The following RIMS1 variants were observed in gnomAD, a reference collection of about 807,000 sequenced individuals.
RIMS1 encodes regulating synaptic membrane exocytosis 1.
A neutral mutation model predicts 214.1 loss-of-function variants in RIMS1; 83 were observed. The ratio of observed to expected loss-of-function variants is 0.39; its 90% CI spans 0.32 to 0.47. The LOEUF (loss-of-function observed/expected upper bound fraction) is 0.47, where lower values mean the gene tolerates loss of function less well. Among genes scored for constraint, RIMS1 ranks in the 20% least tolerant of loss-of-function variants. RIMS1 has a pLI of 0.99. For missense variants in RIMS1, 2,050 were observed against 2,161.8 expected, an observed-to-expected ratio of 0.95 and a Z score of 1.03; for synonymous variants, 793 against 786.8, an observed-to-expected ratio of 1.01 and a Z score of -0.13.
In RIMS1 at chr6:72,400,876, G is replaced by A. The variant is rs1292896191; in HGVS notation, c.*162G>A. Reference sequence around the variant, plus strand: ...TGTCCCAATTGTTATTTAAAACATGGCTTCATATGACAGAACAAGGCAATC... The same window carrying A: ...TGTCCCAATTGTTATTTAAAACATGACTTCATATGACAGAACAAGGCAATC... On this transcript the variant is annotated 3_prime_UTR_variant, in exon 34 of 34. Coordinates refer to ENST00000521978, the MANE Select transcript of RIMS1 (RefSeq NM_014989.7). 2 of 602,724 alleles carry A rather than the reference G, an allele frequency of 3.3e-6. No individual in the cohort carries two copies. The highest frequency in any genetic ancestry group is 2.3e-5 in the South Asian group (1 of 43,858). The allele number at this position is 602,724 out of a possible 1,614,324, so 37.3% of individuals were successfully genotyped here.
chr6:72,015,797 G>C (rs1252637788), intron 2 of RIMS1, among the ~76,000 whole-genome samples: 1 of 152,018 alleles, frequency 6.6e-6, no homozygotes, highest in African/African-American at 2.4e-5. Context: ...ATGATGGCGG[G>C]TGCCTGTAGT....
chr6:72,105,527 T>G (rs757099191), intron 4 of RIMS1, among the ~76,000 whole-genome samples: 54 of 152,172 alleles, frequency 3.5e-4, no homozygotes, highest in Non-Finnish European at 5.1e-4. Context: ...TTACATGAAC[T>G]CATTCATTTA....
At chr6:72,122,729 A>G (rs2038665878) in intron 4 of RIMS1, among the ~76,000 whole-genome samples, 1 of 151,622 alleles carries the variant, frequency 6.6e-6, no homozygotes, top group East Asian at 1.9e-4. Flanking sequence ...CCAGGAATTT[A>G]CTCATTTCTT....
intron 26 of RIMS1, among the ~76,000 whole-genome samples, chr6:72,294,648 T>A (rs2093858535): frequency 6.6e-6 from 1 of 151,616 alleles, no homozygotes; most frequent in Non-Finnish European, 1.5e-5. Context: ...ACTGGAAGTA[T>A]TTTTTTTCTT....
chr6:72,218,180 AG>A (rs1281075366), intron 6 of RIMS1, among the ~76,000 whole-genome samples: 19 of 150,760 alleles, frequency 1.3e-4, no homozygotes, highest in African/African-American at 3.4e-4. Flanking sequence ...AGGTGTCCCA[AG>A]GGCACCTACT....
At chr6:71,924,412 C>T (rs140636170) in intron 1 of RIMS1, among the ~76,000 whole-genome samples, 21 of 152,042 alleles carry the variant, frequency 1.4e-4, no homozygotes, top group Non-Finnish European at 2.5e-4. Flanking sequence ...GTAAAGAGGA[C>T]GTAAAGATTG....
chr6:72,283,916 G>T, intron 23 of RIMS1, 131 bp from the exon 24 acceptor site: 1 of 629,516 alleles, frequency 1.6e-6, no homozygotes, highest in South Asian at 2.0e-5. Flanking sequence ...ATTTAGTTTT[G>T]AAAAGTACTG....
chr6:72,074,416 C>A (rs1466211567), intron 2 of RIMS1, among the ~76,000 whole-genome samples: 1 of 152,186 alleles, frequency 6.6e-6, no homozygotes, highest in Non-Finnish European at 1.5e-5. Context: ...GTAATCCCAG[C>A]ACTTAGGAAG....
intron 29 of RIMS1, among the ~76,000 whole-genome samples, chr6:72,346,482 C>T (rs2097270266): frequency 1.3e-5 from 2 of 151,716 alleles, no homozygotes; most frequent in South Asian, 4.1e-4. Context: ...TTCACATACG[C>T]CACTGTGTAA....
intron 6 of RIMS1, among the ~76,000 whole-genome samples, chr6:72,198,694 G>A (rs192170157): frequency 6.6e-6 from 1 of 151,764 alleles, no homozygotes; most frequent in Non-Finnish European, 1.5e-5. Context: ...ATAAATACGT[G>A]AGATAATGGA....
chr6:72,140,997 A>G (rs1434544093), intron 4 of RIMS1, among the ~76,000 whole-genome samples: 1 of 152,026 alleles, frequency 6.6e-6, no homozygotes, highest in African/African-American at 2.4e-5. Flanking sequence ...GGATGGCAGG[A>G]AAAACTTGGT....
In RIMS1 at chr6:72,265,441, T is replaced by C; in HGVS notation, c.3246T>C (p.Ile1082=). 1 of 1,610,700 alleles carries C rather than the reference T, an allele frequency of 6.2e-7. No homozygotes were observed. The highest frequency in any genetic ancestry group is 1.1e-5 in the South Asian group (1 of 90,802). Residue 1082 remains isoleucine, a synonymous_variant, in exon 21 of 34, where the codon ATT becomes ATC. Transcript: ENST00000521978. ...TKTKSVTRQD[I]SLHHECFNST... is the part of the protein sequence containing the mutation. Reference sequence around the variant, plus strand: ...CCAAATCAGTGACTAGACAGGACATTTCCCTTCATCATGAATGCTTTAACT... The same window carrying C: ...CCAAATCAGTGACTAGACAGGACATCTCCCTTCATCATGAATGCTTTAACT...
At chr6:72,054,944 C>T in intron 2 of RIMS1, among the ~76,000 whole-genome samples, 1 of 152,064 alleles carries the variant, frequency 6.6e-6, no homozygotes, top group East Asian at 1.9e-4. Context: ...TCCCATTTGC[C>T]AACTTTGGCT....
At chr6:71,950,745 C>T (rs1789216417) in intron 1 of RIMS1, among the ~76,000 whole-genome samples, 1 of 151,964 alleles carries the variant, frequency 6.6e-6, no homozygotes, top group Non-Finnish European at 1.5e-5. Flanking sequence ...ACATTTTTTT[C>T]CGACTGAGGC....
chr6:72,206,839 T>C (rs976138397), intron 6 of RIMS1, among the ~76,000 whole-genome samples: 1 of 152,204 alleles, frequency 6.6e-6, no homozygotes, highest in Non-Finnish European at 1.5e-5. Flanking sequence ...CAGTAGCCTC[T>C]ACCCATCTGC....
At chr6:72,311,350 A>T (rs192479095) in intron 27 of RIMS1, among the ~76,000 whole-genome samples, 25 of 152,360 alleles carry the variant, frequency 1.6e-4, no homozygotes, top group African/African-American at 6.0e-4. Flanking sequence ...TTTTTAGCAC[A>T]TATACTCTGT....
intron 4 of RIMS1, among the ~76,000 whole-genome samples, chr6:72,108,413 AC>A (rs2035241627): frequency 6.6e-6 from 1 of 151,846 alleles, no homozygotes; most frequent in Non-Finnish European, 1.5e-5. Context: ...TTTAATTGTT[AC>A]TCTTTGACTA....
intron 6 of RIMS1, among the ~76,000 whole-genome samples, chr6:72,201,297 A>T (rs1562563978): frequency 6.6e-6 from 1 of 152,192 alleles, no homozygotes; most frequent in Admixed American, 6.5e-5. Context: ...TTTTAAAAAG[A>T]TGTGTAACTA....
chr6:72,244,524 T>C (rs767498765), intron 10 of RIMS1, among the ~76,000 whole-genome samples: 2 of 151,880 alleles, frequency 1.3e-5, no homozygotes, highest in Non-Finnish European at 3.0e-5. Context: ...AGTCATACTA[T>C]CTAAAAATTG....
Sources: allele counts gnomAD v4.1 joint callset (sites outside exome capture counted in the v4.1 genomes callset), GRCh38; gene constraint gnomAD v4.1.1; transcripts MANE v1.5; gene names NCBI Gene and HGNC (gene_info 2026-07-23, HGNC 2026-07-21).